KDM2A: variants seen among roughly 807,000 people sequenced by gnomAD.
The protein encoded by KDM2A is lysine-specific demethylase 2A.
In KDM2A, 3 loss-of-function variants were observed where a neutral mutation model predicts 137.3. The observed-to-expected ratio is 0.02, with a 90% CI of 0.01 to 0.06. The LOEUF is 0.06. Among genes scored for constraint, KDM2A ranks in the 10% least tolerant of loss-of-function variants. KDM2A has a pLI of 1.00. For synonymous variants in KDM2A, 512 were observed against 541.5 expected, an observed-to-expected ratio of 0.95 and a Z score of 0.76; for missense variants, 738 against 1,510.6, an observed-to-expected ratio of 0.49 and a Z score of 8.48.
At chr11:67,243,761 G>A (rs1426298266) in intron 13 of KDM2A, 5 of 152,326 alleles carry the variant, frequency 3.3e-5, no homozygotes, top group Non-Finnish European at 7.3e-5. Context: ...GTTGCAGTGA[G>A]CCGAGATCGC....
chr11:67,224,145 C>T (rs1257417987), intron 10 of KDM2A, among the ~76,000 whole-genome samples: 1 of 152,162 alleles, frequency 6.6e-6, no homozygotes, highest in Non-Finnish European at 1.5e-5. Context: ...TGAAAAGGGA[C>T]TCCTATCCAG....
At chr11:67,235,266 T>A (rs1858835688) in intron 12 of KDM2A, among the ~76,000 whole-genome samples, 1 of 151,446 alleles carries the variant, frequency 6.6e-6, no homozygotes, top group Non-Finnish European at 1.5e-5. Context: ...CTCTTGAAAG[T>A]GTACATAGGT....
At chr11:67,169,904 C>T (rs186367612) in intron 2 of KDM2A, among the ~76,000 whole-genome samples, 12 of 151,392 alleles carry the variant, frequency 7.9e-5, no homozygotes, top group Middle Eastern at 3.4e-3. Flanking sequence ...ATTACAGGCA[C>T]GTGCCACCAT....
chr11:67,131,727 T>A (rs1282679053), intron 2 of KDM2A, among the ~76,000 whole-genome samples: 1 of 152,190 alleles, frequency 6.6e-6, no homozygotes, highest in Non-Finnish European at 1.5e-5. Flanking sequence ...TAACATTTTC[T>A]TGCTAACGTC....
intron 6 of KDM2A, among the ~76,000 whole-genome samples, chr11:67,212,202 TA>T (rs1317494998): frequency 6.6e-6 from 1 of 152,080 alleles, no homozygotes; most frequent in Non-Finnish European, 1.5e-5. Context: ...TTAGAAACTA[TA>T]GGAGAATTAG....
In KDM2A at chr11:67,254,099, C is replaced by G. The variant is rs537120137; in HGVS notation, c.3092-104C>G. The G allele has an allele frequency of 1.0e-6, 1 of 990,752 alleles. No individual in the cohort carries two copies. The highest frequency in any genetic ancestry group is 1.6e-5 in the African/African-American group (1 of 61,730). 61.4% of individuals were successfully genotyped at this position (990,752 alleles called of 1,614,324 possible). A position where few individuals can be genotyped will look rare whatever the true frequency, so the allele number is the denominator to read the frequency against. On this transcript the variant is annotated intron_variant, in intron 19 of 20. Coordinates refer to ENST00000529006, the MANE Select transcript of KDM2A (RefSeq NM_012308.3). The surrounding 1 kb of genome is among the most constrained non-coding windows in gnomAD (Gnocchi z 4.7). ...TGGGTGTGGGCAGTTCTACTTAACC[C>G]CTTCAAGGGGGCCTGGCCAGCAAGT...
rs1239510875 is a variant in KDM2A at position 67,253,596 on chromosome 11, C to T, written c.3076C>T (p.Pro1026Ser). 1.2e-6 allele frequency: 2 copies of T among 1,613,794 alleles called. No individual in the cohort carries two copies. The highest frequency in any genetic ancestry group is 2.7e-5 in the African/African-American group (2 of 74,934). The change falls in exon 19 of 21, where the codon CCG becomes TCG. Residue 1026 changes from proline (P) to serine (S), a missense_variant. Pro to Ser is a moderately conservative substitution (Grantham distance 74, BLOSUM62 -1). Transcript: ENST00000529006. ...TCAAATTCGGGACTTGCTTACTCCACCGGCTGATAAACCAGGTATGCTCTG... is the reference window on the plus strand; with the variant it reads ...TCAAATTCGGGACTTGCTTACTCCATCGGCTGATAAACCAGGTATGCTCTG... ...DPQIRDLLTP[P>S]ADKPGQDNRS...
intron 10 of KDM2A, among the ~76,000 whole-genome samples, chr11:67,224,075 G>T (rs995160757): frequency 6.6e-6 from 1 of 152,188 alleles, no homozygotes; most frequent in Non-Finnish European, 1.5e-5. Context: ...CTCCTGCCTT[G>T]CCATGGGGAG....
At chr11:67,172,176 G>A (rs1856893519) in intron 2 of KDM2A, among the ~76,000 whole-genome samples, 1 of 151,824 alleles carries the variant, frequency 6.6e-6, no homozygotes, top group Admixed American at 6.6e-5. Context: ...TTTTTGTAGA[G>A]GCAGTGGCTG....
At chr11:67,134,316 C>G (rs979100927) in intron 2 of KDM2A, among the ~76,000 whole-genome samples, 6 of 152,012 alleles carry the variant, frequency 3.9e-5, no homozygotes, top group African/African-American at 1.5e-4. Context: ...TGAGTAGAGG[C>G]TAGGGATGCT....
intron 2 of KDM2A, among the ~76,000 whole-genome samples, chr11:67,159,073 G>T (rs550882789): frequency 1.3e-5 from 2 of 151,950 alleles, no homozygotes; most frequent in African/African-American, 4.8e-5. Flanking sequence ...TTGGTGTTGC[G>T]TCTAAAAACC....
intron 8 of KDM2A, among the ~76,000 whole-genome samples, chr11:67,216,944 CA>C (rs1468873927): frequency 6.7e-6 from 1 of 148,986 alleles, no homozygotes; most frequent in Admixed American, 6.7e-5. Flanking sequence ...ACAACAACAA[CA>C]AAAAAACATG....
chr11:67,215,647 A>G, intron 7 of KDM2A: 1 of 625,160 alleles, frequency 1.6e-6, no homozygotes, highest in Non-Finnish European at 2.8e-6. Flanking sequence ...TAAAGGAAAA[A>G]AAACTTACAT....
At chr11:67,124,396 C>G (rs1056474575) in intron 2 of KDM2A, among the ~76,000 whole-genome samples, 1 of 152,106 alleles carries the variant, frequency 6.6e-6, no homozygotes, top group Middle Eastern at 3.2e-3. Flanking sequence ...ACTGCAACCT[C>G]TGCCTCCCAG....
intron 2 of KDM2A, chr11:67,149,153 G>A (rs77551803): frequency 1.3e-5 from 2 of 152,236 alleles, no homozygotes; most frequent in African/African-American, 4.8e-5. Context: ...TTTACTGAAT[G>A]TATTCCCTTC....
chr11:67,205,939 T>G (rs1263382731), intron 5 of KDM2A, among the ~76,000 whole-genome samples: 1 of 152,196 alleles, frequency 6.6e-6, no homozygotes. Flanking sequence ...CCTAAAGCCT[T>G]TTCTGATCAG....
intron 2 of KDM2A, among the ~76,000 whole-genome samples, chr11:67,135,634 A>G (rs1855955972): frequency 6.6e-6 from 1 of 152,196 alleles, no homozygotes; most frequent in Non-Finnish European, 1.5e-5. Context: ...GATAATATAT[A>G]TTCATAAATG....
Position 67,240,275 on chromosome 11 carries a change from C to A in KDM2A, c.1480-2734C>A, listed in dbSNP as rs954814723. ...TTTCCCAGAGGCAGAATATCTAACT[C>A]CTTCAGGAGAACTTCCAGTACAGAA... On this transcript the variant is annotated intron_variant, in intron 12 of 20. Coordinates refer to ENST00000529006, the MANE Select transcript of KDM2A (RefSeq NM_012308.3). 2.6e-6 allele frequency: 4 copies of A among 1,535,482 alleles called. No homozygotes were observed. The African/African-American group carries it at 4.1e-5, about 16-fold the overall frequency.
chr11:67,202,722 G>GGGAGAATGGCGTGAA (rs1250002112), intron 5 of KDM2A, among the ~76,000 whole-genome samples: 4 of 152,150 alleles, frequency 2.6e-5, no homozygotes, highest in Admixed American at 6.5e-5. Context: ...CTTGCAGTGA[G>GGGAGAATGGCGTGAA]CCGAGATCGC....
Sources: gnomAD v4.1 joint callset for allele counts (sites outside exome capture counted in the v4.1 genomes callset) on GRCh38, gnomAD v4.1.1 for gene constraint, Gnocchi (gnomAD v3.1) non-coding constraint, MANE v1.5 for transcripts, NCBI Gene and HGNC (gene_info 2026-07-23, HGNC 2026-07-21) for gene names.